PVT1: variants seen among roughly 807,000 people sequenced by gnomAD.
PVT1 encodes CXCR4/PVT1 fusion.
chr8:128,016,866 C>T (rs1586482797), intron 4 of PVT1, among the ~76,000 whole-genome samples: 1 of 152,280 alleles, frequency 6.6e-6, no homozygotes, highest in East Asian at 1.9e-4. Flanking sequence ...AGGATGAGTT[C>T]CCTGCCATTC....
chr8:127,813,896 C>T (rs954263967), intron 2 of PVT1, among the ~76,000 whole-genome samples: 2 of 152,150 alleles, frequency 1.3e-5, no homozygotes, highest in African/African-American at 4.8e-5. Context: ...AATTCTTCTG[C>T]CTCAGCCTTC....
At chr8:127,978,022 C>T (rs956151469) in intron 3 of PVT1, among the ~76,000 whole-genome samples, 1 of 152,226 alleles carries the variant, frequency 6.6e-6, no homozygotes, top group Non-Finnish European at 1.5e-5. Flanking sequence ...AGAGCAGAGT[C>T]AGGGCTTATG....
intron 3 of PVT1, among the ~76,000 whole-genome samples, chr8:127,936,283 C>A (rs949190443): frequency 6.6e-6 from 1 of 151,976 alleles, no homozygotes; most frequent in Non-Finnish European, 1.5e-5. Context: ...AACTCCCGAC[C>A]TCAGGTGTTC....
chr8:127,874,244 G>A (rs1815381866), intron 2 of PVT1, among the ~76,000 whole-genome samples: 1 of 152,212 alleles, frequency 6.6e-6, no homozygotes, highest in Admixed American at 6.5e-5. Flanking sequence ...GAGCACTGGA[G>A]AAGGGGCAGC....
At chr8:128,064,913 A>G (rs572453189) in intron 4 of PVT1, among the ~76,000 whole-genome samples, 7 of 152,240 alleles carry the variant, frequency 4.6e-5, no homozygotes, top group Non-Finnish European at 8.8e-5. Flanking sequence ...CAAAAGCCTT[A>G]TAAAAGCTGT....
intron 2 of PVT1, among the ~76,000 whole-genome samples, chr8:127,890,242 G>A (rs1027271601): frequency 6.6e-6 from 1 of 152,212 alleles, no homozygotes; most frequent in Non-Finnish European, 1.5e-5. Context: ...CCCAGGCTAT[G>A]TGCCAGGCCT....
At chr8:128,056,155 T>C (rs1813759865) in intron 4 of PVT1, among the ~76,000 whole-genome samples, 1 of 152,234 alleles carries the variant, frequency 6.6e-6, no homozygotes, top group South Asian at 2.1e-4. Context: ...CCTCTGCCAC[T>C]GACTAGCTAT....
At chr8:127,835,554 G>A (rs544815782) in intron 2 of PVT1, among the ~76,000 whole-genome samples, 1 of 152,056 alleles carries the variant, frequency 6.6e-6, no homozygotes, top group Non-Finnish European at 1.5e-5. Flanking sequence ...CATGGCACAC[G>A]CATATCTATG....
At chr8:127,880,732 C>T (rs1461256650) in intron 2 of PVT1, among the ~76,000 whole-genome samples, 1 of 151,900 alleles carries the variant, frequency 6.6e-6, no homozygotes, top group Non-Finnish European at 1.5e-5. Context: ...TCCCGAGTAG[C>T]TGCGACTATA....
chr8:127,973,680 GA>G (rs34973809), intron 3 of PVT1, among the ~76,000 whole-genome samples: 39 of 143,578 alleles, frequency 2.7e-4, no homozygotes, highest in East Asian at 4.0e-4. Flanking sequence ...TTGCCTTTTT[GA>G]AAAAAAAAAA....
chr8:127,932,739 A>G (rs1382352333), intron 3 of PVT1: 3 of 337,716 alleles, frequency 8.9e-6, no homozygotes, highest in African/African-American at 5.2e-5. Context: ...CACATTTCTT[A>G]TTTTTATCTC....
chr8:127,889,035 TCTTTCTTCCTTCCTTCCTTCCTTCCTTC>T (rs1376649915), intron 2 of PVT1, among the ~76,000 whole-genome samples: 1,383 of 100,520 alleles, frequency 0.014, 60 homozygotes, highest in African/African-American at 0.043. Context: ...TTTCTCTCTT[TCTTTCTTCCTTCCTTCCTTCCTTCCTTC>T]CTTCCTTCCT....
At chr8:127,826,994 C>CTCT (rs773174973) in intron 2 of PVT1, among the ~76,000 whole-genome samples, 5 of 113,958 alleles carry the variant, frequency 4.4e-5, no homozygotes, top group African/African-American at 1.8e-4. Flanking sequence ...TTCTTTTTCT[C>CTCT]TTTTTTTTTT....
chr8:128,024,681 C>T (rs1423746082), intron 4 of PVT1, among the ~76,000 whole-genome samples: 1 of 152,002 alleles, frequency 6.6e-6, no homozygotes, highest in Admixed American at 6.5e-5. Context: ...TCCACGTGAG[C>T]ACCTTAAAAG....
At chr8:128,077,498 A>G (rs532738526) in intron 5 of PVT1, among the ~76,000 whole-genome samples, 2 of 152,116 alleles carry the variant, frequency 1.3e-5, no homozygotes, top group Non-Finnish European at 2.9e-5. Context: ...TGGAAAAAAA[A>G]CTCATAATTT....
intron 4 of PVT1, among the ~76,000 whole-genome samples, chr8:128,036,870 C>T (rs924125206): frequency 2.6e-5 from 4 of 152,164 alleles, no homozygotes; most frequent in Admixed American, 1.3e-4. Context: ...CCTGAGGCTT[C>T]GTTAGGGCCA....
At chr8:127,914,571 C>A (rs992026005) in intron 3 of PVT1, among the ~76,000 whole-genome samples, 1 of 151,950 alleles carries the variant, frequency 6.6e-6, no homozygotes, top group Non-Finnish European at 1.5e-5. Context: ...AATGTCTGTC[C>A]GCGGAAGAAT....
Position 127,949,235 on chromosome 8 carries a change from G to A in PVT1, n.783-39927G>A, listed in dbSNP as rs374846964. Reference sequence around the variant, plus strand: ...TGCCCACACACCAGATCACTATGCCGTCCCAGCTGTTGTTACAATAAGACT... The same window carrying A: ...TGCCCACACACCAGATCACTATGCCATCCCAGCTGTTGTTACAATAAGACT... On this transcript the variant is annotated intron_variant and non_coding_transcript_variant, in intron 3 of 10. Coordinates refer to ENST00000651587, the Ensembl canonical transcript of PVT1. Among the ~76,000 whole-genome samples, 409 of 152,214 alleles carry A rather than the reference G, an allele frequency of 2.7e-3. 3 individuals are homozygous for A. The highest frequency in any genetic ancestry group is 9.6e-3 in the African/African-American group (400 of 41,520).
chr8:128,083,031 G>T (rs1367048774), intron 5 of PVT1, among the ~76,000 whole-genome samples: 1 of 150,084 alleles, frequency 6.7e-6, no homozygotes, highest in Non-Finnish European at 1.5e-5. Flanking sequence ...ACAGTGTAGA[G>T]CAGCTTAACA....
Sources: gnomAD v4.1 joint callset for allele counts (sites outside exome capture counted in the v4.1 genomes callset) on GRCh38, gnomAD v4.1.1 for gene constraint, MANE v1.5 for transcripts, NCBI Gene and HGNC (gene_info 2026-07-23, HGNC 2026-07-21) for gene names.